Variants in SLC30A8 observed in about 807,000 individuals in gnomAD.
The protein encoded by SLC30A8 is proton-coupled zinc antiporter SLC30A8.
In SLC30A8, 27 loss-of-function variants were observed where a neutral mutation model predicts 36.9. The observed-to-expected ratio is 0.73, with a 90% confidence interval of 0.54 to 1.01. The LOEUF is 1.01. Ranked by LOEUF, SLC30A8 falls within the 50% of genes least tolerant of loss-of-function variation. The pLI is 0.00. For synonymous variants in SLC30A8, 164 were observed against 172.4 expected (o/e 0.95, Z 0.38); for missense variants, 439 against 452.0 (o/e 0.97, Z 0.26).
chr8:117,100,777 G>A (rs565172783), intron 2 of SLC30A8, among the ~76,000 whole-genome samples: 5 of 152,276 alleles, frequency 3.3e-5, no homozygotes, highest in African/African-American at 1.2e-4. Flanking sequence ...GAAGAAACCT[G>A]TACTCATTTA....
At chr8:116,955,250 A>G (rs1439417970) in intron 1 of SLC30A8, among the ~76,000 whole-genome samples, 1 of 152,210 alleles carries the variant, frequency 6.6e-6, no homozygotes, top group Non-Finnish European at 1.5e-5. Flanking sequence ...CAATTAATTA[A>G]GATAAGGTCA....
intron 2 of SLC30A8, among the ~76,000 whole-genome samples, chr8:117,044,580 A>G (rs187256626): frequency 1.3e-4 from 20 of 152,330 alleles, no homozygotes; most frequent in African/African-American, 4.8e-4. Context: ...ACAGAGCACA[A>G]GCATTGCTTC....
chr8:117,045,383 T>A (rs751043403), intron 2 of SLC30A8, among the ~76,000 whole-genome samples: 39 of 152,144 alleles, frequency 2.6e-4, no homozygotes, highest in Non-Finnish European at 4.3e-4. Context: ...TACCTTTTTT[T>A]AAAAAAAGCA....
rs1491223080 is a variant in SLC30A8, at chr8:117,167,504, T to TATATATAC, written c.830-3530_830-3529insATATATAC. Among the ~76,000 whole-genome samples, 99 of 142,244 alleles carry TATATATAC rather than the reference T, an allele frequency of 7.0e-4. 3 individuals carry two copies. Among genetic ancestry groups the TATATATAC allele is most frequent in the South Asian group, 1.8e-3 (8 of 4,444 alleles). 93.3% of individuals were successfully genotyped at this position (142,244 alleles called of 152,430 possible). A position where few individuals can be genotyped will look rare whatever the true frequency, so the allele number is the denominator to read the frequency against. On this transcript the variant is annotated intron_variant, in intron 6 of 7. Transcript: ENST00000456015. The stretch of plus-strand genomic sequence containing the variant: ...GCATATATATATATACATACATACA[T>TATATATAC]GTATATGTATATGTGTATGTGATGT...
intron 1 of SLC30A8, among the ~76,000 whole-genome samples, chr8:116,977,384 A>T (rs540153131): frequency 6.8e-6 from 1 of 146,512 alleles, no homozygotes; most frequent in South Asian, 2.1e-4. Context: ...TGATCTCCTG[A>T]CCTCGTGATT....
At chr8:117,042,618 G>T (rs920733125) in intron 2 of SLC30A8, among the ~76,000 whole-genome samples, 1 of 151,768 alleles carries the variant, frequency 6.6e-6, no homozygotes, top group African/African-American at 2.4e-5. Context: ...GAAACAGCCT[G>T]CTGAGACTTG....
intron 2 of SLC30A8, among the ~76,000 whole-genome samples, chr8:117,059,672 C>T (rs1008982117): frequency 3.3e-5 from 5 of 152,110 alleles, no homozygotes; most frequent in Admixed American, 6.5e-5. Context: ...GACGATAGAT[C>T]GTAGTGGTGG....
intron 2 of SLC30A8, among the ~76,000 whole-genome samples, chr8:117,075,658 T>A (rs1818466293): frequency 6.6e-6 from 1 of 152,234 alleles, no homozygotes; most frequent in African/African-American, 2.4e-5. Context: ...ATCGTCTTTT[T>A]ATTGGTTTTC....
intron 1 of SLC30A8, among the ~76,000 whole-genome samples, chr8:117,002,414 A>C (rs1192554851): frequency 6.6e-6 from 1 of 152,176 alleles, no homozygotes; most frequent in Non-Finnish European, 1.5e-5. Context: ...AATAGAACTG[A>C]CAACCTGTAT....
chr8:117,059,573 T>G (rs1280189733), intron 2 of SLC30A8, among the ~76,000 whole-genome samples: 1 of 152,188 alleles, frequency 6.6e-6, no homozygotes. Flanking sequence ...CCCCTACTCA[T>G]GAATAATATG....
At chr8:117,049,272 C>T (rs1025841581) in intron 2 of SLC30A8, among the ~76,000 whole-genome samples, 1 of 152,094 alleles carries the variant, frequency 6.6e-6, no homozygotes, top group Non-Finnish European at 1.5e-5. Context: ...ATAATGTTGC[C>T]CACATGCCAA....
chr8:117,172,006 A>G (rs1024772438), intron 7 of SLC30A8, among the ~76,000 whole-genome samples: 37 of 152,116 alleles, frequency 2.4e-4, no homozygotes, highest in Non-Finnish European at 1.0e-4. Context: ...GGAAGAATCT[A>G]GTAAACACTC....
intron 1 of SLC30A8, among the ~76,000 whole-genome samples, chr8:117,143,675 C>CACAG (rs1480395270): frequency 1.3e-5 from 2 of 150,238 alleles, no homozygotes; most frequent in African/African-American, 2.5e-5. Flanking sequence ...AACACACACA[C>CACAG]ACACACACAC....
rs115816825 is a variant in SLC30A8 at position 117,161,805 on chromosome 8, G to A, written c.640G>A (p.Val214Ile). 39 of 1,613,944 alleles carry A rather than the reference G, an allele frequency of 2.4e-5. No individual in the cohort carries two copies. The African/African-American group carries it at 3.6e-4, about 15-fold the overall frequency. The stretch of plus-strand genomic sequence containing the variant: ...CAAGGAAGTACAAGCCAATGCCAGC[G>A]TCAGAGCTGCTTTTGTGCATGCCCT... ...NHKEVQANASVRAAFVHALGD... is the reference protein window; with the variant it reads ...NHKEVQANASIRAAFVHALGD... Residue 214 changes from valine to isoleucine, a missense_variant, in exon 5 of 8, where the codon GTC (valine) becomes ATC (isoleucine). By Grantham distance (29) the Val-to-Ile change is conservative. Coordinates refer to ENST00000456015, the MANE Select transcript of SLC30A8 (RefSeq NM_173851.3).
At chr8:117,108,550 T>G (rs539355248) in intron 2 of SLC30A8, among the ~76,000 whole-genome samples, 3 of 152,276 alleles carry the variant, frequency 2.0e-5, no homozygotes, top group African/African-American at 7.2e-5. Flanking sequence ...CTGTCTCAGA[T>G]TCTTATAACG....
chr8:117,111,619 C>CT (rs1046178353), intron 2 of SLC30A8, among the ~76,000 whole-genome samples: 35 of 151,658 alleles, frequency 2.3e-4, no homozygotes, highest in East Asian at 1.9e-4. Context: ...CATTATGGGA[C>CT]TTTTTTTTTC....
At position 116,997,175 on chromosome 8, in the gene SLC30A8, G is replaced by A. The variant is rs59294342; in HGVS notation, c.-265-42044G>A. ...AAGGGGGTGAAGCACACGATCCCAT[G>A]CTTACCATCCACCTCTGAAGCATGA... is the stretch of plus-strand genomic sequence containing the variant. On this transcript the variant is annotated intron_variant, in intron 1 of 10. Coordinates refer to the SLC30A8 transcript ENST00000427715. Among the ~76,000 whole-genome samples, 1,434 of 152,220 alleles carry A rather than the reference G, an allele frequency of 9.4e-3. 18 individuals are homozygous for A. Among genetic ancestry groups the A allele is most frequent in the African/African-American group, 0.031 (1,301 of 41,524 alleles).
chr8:116,953,374 T>G (rs928671871), intron 1 of SLC30A8, among the ~76,000 whole-genome samples: 1 of 152,204 alleles, frequency 6.6e-6, no homozygotes, highest in African/African-American at 2.4e-5. Flanking sequence ...ACGACTATTT[T>G]GTATTTTTCT....
At chr8:117,086,464 A>G (rs1818881787) in intron 2 of SLC30A8, among the ~76,000 whole-genome samples, 2 of 152,316 alleles carry the variant, frequency 1.3e-5, no homozygotes, top group East Asian at 1.9e-4. Flanking sequence ...ATGACAATAT[A>G]TTTTTCAAAA....
Sources: gnomAD v4.1 joint callset for allele counts (sites outside exome capture counted in the v4.1 genomes callset) on GRCh38, gnomAD v4.1.1 for gene constraint, MANE v1.5 for transcripts, NCBI Gene and HGNC (gene_info 2026-07-23, HGNC 2026-07-21) for gene names.